The following MAD1L1 variants were observed in gnomAD, a reference collection of about 807,000 sequenced individuals.
MAD1L1 encodes the protein mitotic spindle assembly checkpoint protein MAD1.
MAD1L1 carries 95 observed loss-of-function variants against 96.9 expected under a neutral mutation model. The observed-to-expected ratio is 0.98, with a 90% CI of 0.83 to 1.16. The LOEUF (loss-of-function observed/expected upper bound fraction) is 1.16. Among genes scored for constraint, MAD1L1 ranks in the 50% most tolerant of loss-of-function variants. MAD1L1 has a pLI of 0.00. For missense variants in MAD1L1, 1,007 were observed against 954.4 expected, an observed-to-expected ratio of 1.06 and a Z score of -0.73; for synonymous variants, 473 against 396.6, an observed-to-expected ratio of 1.19 and a Z score of -2.29.
intron 10 of MAD1L1, among the ~76,000 whole-genome samples, chr7:2,211,641 T>C (rs1043589606): frequency 2.0e-5 from 3 of 152,186 alleles, no homozygotes; most frequent in African/African-American, 7.2e-5. Flanking sequence ...GCACAAAGCA[T>C]TTAGGCCCCG....
chr7:2,161,182 A>G (rs1243042898), intron 10 of MAD1L1, among the ~76,000 whole-genome samples: 1 of 29,872 alleles, frequency 3.3e-5, no homozygotes, highest in Non-Finnish European at 6.6e-5. Flanking sequence ...TACTGCCGCC[A>G]TCTCGACTCA....
In MAD1L1 at chr7:2,148,694, G is replaced by A. The variant is rs147624637; in HGVS notation, c.1073+458C>T. 845 of 162,892 alleles carry A rather than the reference G, an allele frequency of 5.2e-3. 8 individuals are homozygous for A. The highest frequency in any genetic ancestry group is 0.012 in the South Asian group (68 of 5,490). 10.1% of individuals were successfully genotyped at this position (162,892 alleles called of 1,614,324 possible). ...ATCCCAGGTTCCCTGAAGCCCTTGG[G>A]ACTTCCTGAGTGAGGGGCATGTCTC... is the stretch of plus-strand genomic sequence containing the variant. On this transcript the variant is annotated intron_variant, in intron 11 of 18. Coordinates refer to ENST00000265854, the MANE Select transcript of MAD1L1 (RefSeq NM_001013836.2).
At chr7:2,124,923 C>T (rs1040014889) in intron 11 of MAD1L1, among the ~76,000 whole-genome samples, 3 of 152,194 alleles carry the variant, frequency 2.0e-5, no homozygotes, top group African/African-American at 4.8e-5. Context: ...GAGCTGCAGG[C>T]GGCCTTCCAG....
intron 11 of MAD1L1, among the ~76,000 whole-genome samples, chr7:2,140,690 C>T (rs986241860): frequency 1.3e-5 from 2 of 152,240 alleles, no homozygotes; most frequent in Non-Finnish European, 2.9e-5. Context: ...TGCCCAACCT[C>T]GGCTGGAAAG....
At chr7:1,822,192 C>G (rs200540120) in intron 18 of MAD1L1, among the ~76,000 whole-genome samples, 1 of 58,490 alleles carries the variant, frequency 1.7e-5, no homozygotes, top group African/African-American at 4.8e-5. Flanking sequence ...AAGTGAAAAA[C>G]AAAATTAAAA....
intron 18 of MAD1L1, chr7:1,816,959 G>GT (rs1341308931): frequency 6.6e-6 from 1 of 152,310 alleles, no homozygotes; most frequent in Non-Finnish European, 1.5e-5. Flanking sequence ...AGCTCCCTCT[G>GT]AAACCACGTC....
At chr7:1,880,192 T>C (rs1785606814) in intron 18 of MAD1L1, among the ~76,000 whole-genome samples, 1 of 152,184 alleles carries the variant, frequency 6.6e-6, no homozygotes, top group Non-Finnish European at 1.5e-5. Context: ...GTGTTCCTAA[T>C]CAGCACCCCT....
chr7:2,173,367 G>C (rs190178772), intron 10 of MAD1L1, among the ~76,000 whole-genome samples: 6 of 152,226 alleles, frequency 3.9e-5, no homozygotes, highest in South Asian at 2.1e-4. Flanking sequence ...GCTGAGCCCC[G>C]CGTCTAGCTG....
At chr7:2,157,521 A>G (rs1350554207) in intron 10 of MAD1L1, among the ~76,000 whole-genome samples, 1 of 152,146 alleles carries the variant, frequency 6.6e-6, no homozygotes, top group Non-Finnish European at 1.5e-5. Context: ...GTCTCTGCTC[A>G]GTGCAGCACA....
chr7:2,189,658 G>A (rs148056352), intron 10 of MAD1L1, among the ~76,000 whole-genome samples: 10 of 152,334 alleles, frequency 6.6e-5, no homozygotes, highest in African/African-American at 9.6e-5. Flanking sequence ...CACAGGGAGC[G>A]AGCGTTTAAT....
At chr7:1,861,239 C>T (rs1031857543) in intron 18 of MAD1L1, among the ~76,000 whole-genome samples, 1 of 152,152 alleles carries the variant, frequency 6.6e-6, no homozygotes, top group African/African-American at 2.4e-5. Context: ...GTGCTGGGTC[C>T]GGTGGGGGCT....
intron 3 of MAD1L1, among the ~76,000 whole-genome samples, chr7:2,228,183 G>A (rs549663562): frequency 6.6e-6 from 1 of 151,670 alleles, no homozygotes; most frequent in Admixed American, 6.6e-5. Context: ...AGCACTGGGG[G>A]CCTCCGAGCC....
At chr7:1,971,892 G>A (rs1373615087) in intron 15 of MAD1L1, among the ~76,000 whole-genome samples, 2 of 152,166 alleles carry the variant, frequency 1.3e-5, no homozygotes, top group African/African-American at 2.4e-5. Context: ...AGGAGGGAGC[G>A]CTGGAACTGC....
At chr7:2,085,636 C>G (rs1785878525) in intron 11 of MAD1L1, among the ~76,000 whole-genome samples, 1 of 144,648 alleles carries the variant, frequency 6.9e-6, no homozygotes, top group South Asian at 2.2e-4. Context: ...AAGGCCAGTC[C>G]CTGCTGCAGC....
chr7:1,844,883 C>A (rs888754444), intron 18 of MAD1L1, among the ~76,000 whole-genome samples: 2 of 152,250 alleles, frequency 1.3e-5, no homozygotes, highest in Non-Finnish European at 2.9e-5. Context: ...GGAAAGCCTG[C>A]CTCGCACAGC....
rs72503894 is a variant in MAD1L1 at position 1,871,409 on chromosome 7, C to T, written c.1998+26791G>A. Among the ~76,000 whole-genome samples, 123 of 141,860 alleles carry T rather than the reference C, an allele frequency of 8.7e-4. No individual in the cohort carries two copies. In the East Asian group the frequency reaches 0.026, roughly 30 times the overall value. 93.1% of individuals were successfully genotyped at this position (141,860 alleles called of 152,430 possible). On this transcript the variant is annotated intron_variant, in intron 18 of 18. Transcript: ENST00000265854. ...ACCGTAACACCTGCCACGCTGAACC[C>T]AACATACGCCTGCCAAGCTGAACCC...
At chr7:1,980,761 T>C (rs1437662090) in intron 14 of MAD1L1, 2 of 655,604 alleles carry the variant, frequency 3.1e-6, no homozygotes, top group Admixed American at 4.2e-5. Flanking sequence ...TTCCATCTCC[T>C]GAATAGCAAC....
chr7:1,911,239 C>T (rs1787998852), intron 17 of MAD1L1, among the ~76,000 whole-genome samples: 1 of 152,108 alleles, frequency 6.6e-6, no homozygotes, highest in African/African-American at 2.4e-5. Flanking sequence ...TCCTCACCAA[C>T]CCTCCCTGGC....
intron 10 of MAD1L1, among the ~76,000 whole-genome samples, chr7:2,177,211 G>C (rs1353195893): frequency 2.0e-5 from 3 of 152,214 alleles, no homozygotes; most frequent in Non-Finnish European, 4.4e-5. Flanking sequence ...TAGTGTTACA[G>C]CCACAATTTC....
Sources: gnomAD v4.1 joint callset for allele counts (sites outside exome capture counted in the v4.1 genomes callset) on GRCh38, gnomAD v4.1.1 for gene constraint, MANE v1.5 for transcripts, NCBI Gene and HGNC (gene_info 2026-07-23, HGNC 2026-07-21) for gene names.